CNOT1: variants seen among roughly 807,000 people sequenced by gnomAD.
CNOT1 encodes CCR4-NOT transcription complex subunit 1, also known as CCR4-associated factor 1.
In CNOT1, 15 loss-of-function variants were observed where a neutral mutation model predicts 273.8. The observed-to-expected ratio is 0.05, with a 90% CI of 0.04 to 0.08. The LOEUF (loss-of-function observed/expected upper bound fraction) is 0.08. Among genes scored for constraint, CNOT1 ranks in the 10% least tolerant of loss-of-function variants. The pLI, the probability that CNOT1 is intolerant of heterozygous loss-of-function variation, is 1.00. For missense variants in CNOT1, 1,644 were observed against 2,912.2 expected (o/e 0.56, Z 10.02); for synonymous variants, 1,022 against 1,005.5 (o/e 1.02, Z -0.31).
chr16:58,551,854 T>C, intron 22 of CNOT1, 35 bp from the exon 23 acceptor site: 1 of 1,609,588 alleles, frequency 6.2e-7, no homozygotes, highest in Non-Finnish European at 8.5e-7. Context: ...GAGTTAACCT[T>C]AATTGCTAAG....
rs569445897 is a variant in CNOT1, at chr16:58,525,863, T to C, written c.6603+126A>G. 30 of 797,116 alleles carry C rather than the reference T, an allele frequency of 3.8e-5. No homozygotes were observed. The South Asian group carries it at 5.5e-4, about 14-fold the overall frequency. 49.4% of individuals were successfully genotyped at this position (797,116 alleles called of 1,614,324 possible). On this transcript the variant is annotated intron_variant, in intron 45 of 48. Transcript: ENST00000317147. ...TAGTAAAATACGTAAATCCAGTTAA[T>C]CAACCTCACCCAATTGATGGAAATG...
At chr16:58,543,062 T>C in intron 31 of CNOT1, 1 of 1,185,724 alleles carries the variant, frequency 8.4e-7, no homozygotes, top group Non-Finnish European at 1.1e-6. Context: ...CACTGTACTC[T>C]AGCCTAAGCT....
rs1472628210 is a variant in CNOT1 at position 58,547,404 on chromosome 16, CATA to C, written c.3640-111_3640-109del. ...AGCTTATCCCCAAAACAGGAATCAA[CATA>C]ATGTCTAGTCCTTGCCTTACAAAAA... On this transcript the variant is annotated intron_variant, in intron 26 of 48. Coordinates refer to ENST00000317147, the MANE Select transcript of CNOT1 (RefSeq NM_016284.5). The surrounding 1 kb of genome is among the most constrained non-coding windows in gnomAD (Gnocchi z 4.0). 12 of 1,545,358 alleles carry C rather than the reference CATA, an allele frequency of 7.8e-6. No individual in the cohort carries two copies. Among genetic ancestry groups the C allele is most frequent in the African/African-American group, 2.7e-5 (2 of 72,736 alleles).
chr16:58,532,316 C>T lies in CNOT1; in HGVS notation c.5975G>A (p.Arg1992Gln). The T allele has an allele frequency of 6.2e-7, 1 of 1,614,122 alleles. No individual in the cohort carries two copies. Among genetic ancestry groups the T allele is most frequent in the Non-Finnish European group, 8.5e-7 (1 of 1,180,010 alleles). Reference sequence around the variant, plus strand: ...TTCCAAGAGAAGCATGATAAAAATTCGATGGTAGGGAAGTTGCTGAAATTC... The same window carrying T: ...TTCCAAGAGAAGCATGATAAAAATTTGATGGTAGGGAAGTTGCTGAAATTC... The part of the protein sequence containing the change: ...QSEFQQLPYH[R>Q]IFIMLLLELN... The change falls in exon 41 of 49, where the codon CGA becomes CAA. Residue 1992 changes from arginine (R) to glutamine (Q), a missense_variant. Around this residue, in one of 13 missense-constraint regions of CNOT1, gnomAD observed 133 missense variants for 328.2 expected, o/e 0.41. Transcript: ENST00000317147.
chr16:58,574,087 CAAAAAGAAA>C (rs1178761505), intron 16 of CNOT1, among the ~76,000 whole-genome samples: 1 of 151,180 alleles, frequency 6.6e-6, no homozygotes, highest in Non-Finnish European at 1.5e-5. Context: ...CTCATCTCTA[CAAAAAGAAA>C]AAAAAGAAGA....
At chr16:58,595,270 A>C (rs2042213856) in intron 2 of CNOT1, among the ~76,000 whole-genome samples, 2 of 152,060 alleles carry the variant, frequency 1.3e-5, no homozygotes, top group African/African-American at 4.8e-5. Context: ...CATTTTGTTC[A>C]AGTTAATCCA....
At chr16:58,568,151 G>A (rs1380145876) in intron 16 of CNOT1, among the ~76,000 whole-genome samples, 1 of 152,036 alleles carries the variant, frequency 6.6e-6, no homozygotes, top group East Asian at 1.9e-4. Flanking sequence ...CGAATCACCT[G>A]AGGTCGGGAG....
rs369692470 is a variant in CNOT1 at position 58,560,263 on chromosome 16, T to C, written c.2079A>G (p.Pro693=). ...TGCTAGCACTAGGAGGACGTCCTTTTGGCATAACTCCAGGTGGTGGTTGTC... is the reference window on the plus strand; with the variant it reads ...TGCTAGCACTAGGAGGACGTCCTTTCGGCATAACTCCAGGTGGTGGTTGTC... ...KARQPPPGVM[P]KGRPPSASSL... is the part of the protein sequence containing the mutation. Residue 693 remains proline, a synonymous_variant, in exon 17 of 49, where the codon CCA becomes CCG. Coordinates refer to ENST00000317147, the MANE Select transcript of CNOT1 (RefSeq NM_016284.5). 52 of 1,614,074 alleles carry C rather than the reference T, an allele frequency of 3.2e-5. No individual in the cohort carries two copies. Among genetic ancestry groups the C allele is most frequent in the Non-Finnish European group, 4.3e-5 (51 of 1,180,034 alleles).
rs573868904 is a variant in CNOT1 at position 58,520,473 on chromosome 16, A to AACTT, written c.*481_*484dup. ...ATTCTAGCACATCCACATTTTTAAT[A>AACTT]ACTTAGTGATTTTCAAGGTCCCCTG... On this transcript the variant is annotated 3_prime_UTR_variant, in exon 49 of 49. Transcript: ENST00000317147. 1.4e-4 allele frequency: 22 copies of AACTT among 160,466 alleles called. No homozygotes were observed. In the South Asian group the frequency reaches 2.5e-3, roughly 18 times the overall value. 9.9% of individuals were successfully genotyped at this position (160,466 alleles called of 1,614,324 possible).
At chr16:58,526,844 A>G (rs945646102) in intron 44 of CNOT1, among the ~76,000 whole-genome samples, 1 of 148,034 alleles carries the variant, frequency 6.8e-6, no homozygotes, top group African/African-American at 2.5e-5. Context: ...AAAAAAATGC[A>G]TGTGTCAGAA....
In CNOT1 at chr16:58,575,872, T is replaced by C. The variant is rs376074891; in HGVS notation, c.1704+591A>G. On this transcript the variant is annotated intron_variant, in intron 14 of 48. Coordinates refer to ENST00000317147, the MANE Select transcript of CNOT1 (RefSeq NM_016284.5). ...ACAGAGTTGCTTAAGGGAAGAAGCA[T>C]GCCTAGTTTCCCCAAAAACTGTATC... Among the ~76,000 whole-genome samples, 3 of 152,136 alleles carry C rather than the reference T, an allele frequency of 2.0e-5. No homozygotes were observed. The South Asian group carries it at 6.2e-4, about 31-fold the overall frequency.
chr16:58,534,603 C>T (rs1303644626), intron 39 of CNOT1, among the ~76,000 whole-genome samples: 1 of 152,070 alleles, frequency 6.6e-6, no homozygotes, highest in African/African-American at 2.4e-5. Context: ...TAATGTAGAA[C>T]AGGGAAGATG....
At chr16:58,548,783 G>C (rs2040345947) in intron 25 of CNOT1, 2 of 365,458 alleles carry the variant, frequency 5.5e-6, no homozygotes, top group Non-Finnish European at 1.1e-5. Flanking sequence ...AGTAGAATTT[G>C]ACCTTAAACT....
intron 1 of CNOT1, among the ~76,000 whole-genome samples, chr16:58,605,135 CAAAACA>C (rs1424880812): frequency 4.0e-5 from 6 of 151,822 alleles, no homozygotes; most frequent in African/African-American, 9.7e-5. Context: ...GACTCCGTCT[CAAAACA>C]AAAACAAAAA....
At chr16:58,587,994 CA>C (rs2041930751) in intron 3 of CNOT1, 116 bp from the exon 4 acceptor site, 1 of 1,059,498 alleles carries the variant, frequency 9.4e-7, no homozygotes, top group Non-Finnish European at 1.3e-6. Flanking sequence ...TATATATTAT[CA>C]AAATCGGCTC....
intron 1 of CNOT1, among the ~76,000 whole-genome samples, chr16:58,611,428 C>G (rs1379794307): frequency 6.6e-6 from 1 of 150,944 alleles, no homozygotes; most frequent in Non-Finnish European, 1.5e-5. Context: ...GACTCCATCT[C>G]CAAAAAAAAT....
rs1179932836 is a variant in CNOT1, at chr16:58,532,092, C to G, written c.6060-17G>C. ...AATGTATTGCTGAAAGAAGAAAAAC[C>G]TTAGTCAGAAGCACAGTCCAACTTA... On this transcript the variant is annotated splice_polypyrimidine_tract_variant and intron_variant, in intron 41 of 48. Coordinates refer to ENST00000317147, the MANE Select transcript of CNOT1 (RefSeq NM_016284.5). 4 of 1,613,616 alleles carry G rather than the reference C, an allele frequency of 2.5e-6. No individual in the cohort carries two copies. The Admixed American group carries it at 5.0e-5, about 20-fold the overall frequency.
chr16:58,567,797 C>G (rs1283840206), intron 16 of CNOT1, among the ~76,000 whole-genome samples: 1 of 152,162 alleles, frequency 6.6e-6, no homozygotes, highest in Non-Finnish European at 1.5e-5. Flanking sequence ...AGCCCTCAAT[C>G]ACAATGAAAA....
At chr16:58,618,716 T>C (rs531326284) in intron 1 of CNOT1, among the ~76,000 whole-genome samples, 4 of 151,316 alleles carry the variant, frequency 2.6e-5, no homozygotes, top group Admixed American at 2.6e-4. Flanking sequence ...GGTGTTCACA[T>C]GCATGCGTGA....
Sources: gnomAD v4.1 joint callset for allele counts (sites outside exome capture counted in the v4.1 genomes callset) on GRCh38, gnomAD v4.1.1 for gene constraint, gnomAD v4.1.1 regional missense constraint, Gnocchi (gnomAD v3.1) non-coding constraint, MANE v1.5 for transcripts, NCBI Gene and HGNC (gene_info 2026-07-23, HGNC 2026-07-21) for gene names.